Variants in CELA2A observed in about 807,000 individuals in gnomAD.
The protein encoded by CELA2A is chymotrypsin like elastase 2A, also known as chymotrypsin-like elastase family member 2A.
A neutral mutation model predicts 35.3 loss-of-function variants in CELA2A; 31 were observed. The ratio of observed to expected loss-of-function variants is 0.88; its 90% CI spans 0.66 to 1.19. The LOEUF (loss-of-function observed/expected upper bound fraction) is 1.19, where lower values mean the gene tolerates loss of function less well. Among genes scored for constraint, CELA2A ranks in the 50% most tolerant of loss-of-function variants. CELA2A has a pLI of 0.00. For missense variants in CELA2A, 330 were observed against 352.9 expected (o/e 0.94, Z 0.52); for synonymous variants, 150 against 149.8 (o/e 1.00, Z -0.01).
intron 4 of CELA2A, 124 bp downstream of exon 4, chr1:15,462,985 C>T (rs1708459795): frequency 3.6e-6 from 5 of 1,393,656 alleles, no homozygotes; most frequent in Non-Finnish European, 5.0e-6. Flanking sequence ...GGGGAAGGAG[C>T]TCTGGCCTCT....
intron 7 of CELA2A, among the ~76,000 whole-genome samples, chr1:15,468,196 G>A (rs181584502): frequency 2.0e-5 from 3 of 151,866 alleles, no homozygotes; most frequent in Non-Finnish European, 1.5e-5. Context: ...GCTATAAACA[G>A]GTATATTTAT....
chr1:15,463,560 A>T (rs1363789861), intron 5 of CELA2A, 38 bp downstream of exon 5: 1 of 1,612,620 alleles, frequency 6.2e-7, no homozygotes, highest in Non-Finnish European at 8.5e-7. Flanking sequence ...CTGGGAGGGA[A>T]GGGAGGTGAT....
chr1:15,464,003 G>A (rs1469800632), intron 5 of CELA2A, among the ~76,000 whole-genome samples: 1 of 152,142 alleles, frequency 6.6e-6, no homozygotes, highest in African/African-American at 2.4e-5. Flanking sequence ...AGTGAGCCAA[G>A]ATTTCGCTAC....
rs1213453001 is a variant in CELA2A at position 15,471,567 on chromosome 1, AT to A, written c.793-422del. ...TCTCAAAAAGAAAACAAACAAACAA[AT>A]AAAAAAAAAAACGTTTAACAGACAC... On this transcript the variant is annotated intron_variant, in intron 7 of 7. Transcript: ENST00000359621. 4.9e-4 allele frequency among the ~76,000 whole-genome samples: 75 copies of A among 152,048 alleles called. 1 individual carries two copies. The highest frequency in any genetic ancestry group is 1.8e-3 in the African/African-American group (74 of 41,482).
chr1:15,463,035 T>G, intron 4 of CELA2A, 174 bp downstream of exon 4: 1 of 1,080,774 alleles, frequency 9.3e-7, no homozygotes, highest in Non-Finnish European at 1.3e-6. Flanking sequence ...GGGGTGGGGA[T>G]GTGACCTGGG....
chr1:15,461,712 G>A, intron 3 of CELA2A, 54 bp downstream of exon 3: 1 of 1,606,050 alleles, frequency 6.2e-7, no homozygotes, highest in Non-Finnish European at 8.5e-7. Flanking sequence ...GCTCATTTCT[G>A]AGCTGGGGGC....
chr1:15,470,808 T>C (rs1708579833), intron 7 of CELA2A, among the ~76,000 whole-genome samples: 3 of 152,180 alleles, frequency 2.0e-5, no homozygotes. Context: ...CTCAAACTCC[T>C]GACCTCAGGT....
In CELA2A at chr1:15,461,414, G is replaced by C. The variant is rs189179201; in HGVS notation, c.130-147G>C. On this transcript the variant is annotated intron_variant, in intron 2 of 7. Coordinates refer to ENST00000359621, the MANE Select transcript of CELA2A (RefSeq NM_033440.3). ...ACACGTTTTTTATCTTGATGGCTGA[G>C]GTTTTGGGTGCTGCCTTAAGTTGTG... 9.1e-5 allele frequency: 66 copies of C among 728,894 alleles called. No individual in the cohort carries two copies. The East Asian group carries it at 1.7e-3, about 19-fold the overall frequency. The allele number at this position is 728,894 out of a possible 1,614,324, so 45.2% of individuals were successfully genotyped here. A position where few individuals can be genotyped will look rare whatever the true frequency, so the allele number is the denominator to read the frequency against.
chr1:15,467,526 C>A lies in CELA2A; in HGVS notation c.780C>A (p.Asp260Glu). ...TCACGCGGGTCTCCAATTACATCGACTGGATCAATTCGGTAAGAACCGGAC... is the reference window on the plus strand; with the variant it reads ...TCACGCGGGTCTCCAATTACATCGAATGGATCAATTCGGTAAGAACCGGAC... ...SVFTRVSNYI[D>E]WINSVIANN The change falls in exon 7 of 8, where the codon GAC becomes GAA. Residue 260 changes from aspartate to glutamate, a missense_variant. Transcript: ENST00000359621. The A allele has an allele frequency of 6.2e-7, 1 of 1,614,150 alleles. No homozygotes were observed. The highest frequency in any genetic ancestry group is 1.3e-5 in the African/African-American group (1 of 75,058).
At chr1:15,463,581 CCT>C (rs1213266369) in intron 5 of CELA2A, 59 bp downstream of exon 5, 2 of 1,609,626 alleles carry the variant, frequency 1.2e-6, no homozygotes, top group African/African-American at 1.3e-5. Context: ...TCACGTCACC[CCT>C]GTCTGGCCGG....
chr1:15,457,466 C>T lies in CELA2A; in HGVS notation c.129+292C>T, dbSNP rs534471709. On this transcript the variant is annotated intron_variant, in intron 2 of 7. Coordinates refer to ENST00000359621, the MANE Select transcript of CELA2A (RefSeq NM_033440.3). Reference sequence around the variant, plus strand: ...CCTCTACTAATAATACACAAGTAGCCAGGTGTGGTGGCACACGCCTGTAAT... The same window carrying T: ...CCTCTACTAATAATACACAAGTAGCTAGGTGTGGTGGCACACGCCTGTAAT... 99 of 330,182 alleles carry T rather than the reference C, an allele frequency of 3.0e-4. 1 individual carries two copies. In the South Asian group the frequency reaches 3.6e-3, roughly 12 times the overall value. The allele number at this position is 330,182 out of a possible 1,614,324, so 20.5% of individuals were successfully genotyped here.
chr1:15,468,148 T>C (rs1708547770), intron 7 of CELA2A, among the ~76,000 whole-genome samples: 1 of 151,828 alleles, frequency 6.6e-6, no homozygotes, highest in Admixed American at 6.6e-5. Context: ...ATTTTATTTT[T>C]GTTTATCTGT....
chr1:15,462,602 C>G, intron 3 of CELA2A, 131 bp from the exon 4 acceptor site: 2 of 1,096,372 alleles, frequency 1.8e-6, no homozygotes, highest in East Asian at 4.7e-5. Context: ...AACTGATTGT[C>G]CCAGGGGAGG....
intron 1 of CELA2A, 122 bp from the exon 2 acceptor site, chr1:15,456,964 T>C: frequency 7.9e-7 from 1 of 1,270,702 alleles, no homozygotes; most frequent in Non-Finnish European, 1.1e-6. Context: ...CAGGATTCTA[T>C]GACCTCTTGG....
chr1:15,467,317 GA>G, intron 6 of CELA2A, 68 bp from the exon 7 acceptor site: 1 of 1,511,202 alleles, frequency 6.6e-7, no homozygotes. Flanking sequence ...GAAATGCATT[GA>G]GAACAATGGT....
At position 15,466,184 on chromosome 1, in the gene CELA2A, G is replaced by A. The variant is rs748378048; in HGVS notation, c.639+40G>A. On this transcript the variant is annotated intron_variant, in intron 6 of 7. Coordinates refer to ENST00000359621, the MANE Select transcript of CELA2A (RefSeq NM_033440.3). Reference sequence around the variant, plus strand: ...CAGGGGCTCCGCTCCATGACAAAATGTGGCTGGGGATAAGGCTATAGAGGT... The same window carrying A: ...CAGGGGCTCCGCTCCATGACAAAATATGGCTGGGGATAAGGCTATAGAGGT... The A allele has an allele frequency of 1.2e-5, 19 of 1,608,618 alleles. No homozygotes were observed. The African/African-American group carries it at 2.1e-4, about 18-fold the overall frequency.
rs1708430115 is a variant in CELA2A at position 15,461,270 on chromosome 1, C to T, written c.130-291C>T. On this transcript the variant is annotated intron_variant, in intron 2 of 7. Coordinates refer to ENST00000359621, the MANE Select transcript of CELA2A (RefSeq NM_033440.3). ...TCAGATGGGGTTTCACCATGTTGCC[C>T]AGGCTGGTCTCAAACTCCTGGGCTC... is the stretch of plus-strand genomic sequence containing the variant. 2.6e-5 allele frequency among the ~76,000 whole-genome samples: 4 copies of T among 152,268 alleles called. No homozygotes were observed. In the South Asian group the frequency reaches 8.3e-4, roughly 32 times the overall value.
At chr1:15,462,983 A>G in intron 4 of CELA2A, 122 bp downstream of exon 4, 1 of 1,399,714 alleles carries the variant, frequency 7.1e-7, no homozygotes, top group Non-Finnish European at 9.9e-7. Flanking sequence ...AGGGGGAAGG[A>G]GCTCTGGCCT....
chr1:15,463,660 C>T, intron 5 of CELA2A, 138 bp downstream of exon 5: 2 of 1,350,148 alleles, frequency 1.5e-6, no homozygotes, highest in Non-Finnish European at 1.0e-6. Flanking sequence ...AGGCTGACGC[C>T]TGCCTGGGAT....
Sources: allele counts gnomAD v4.1 joint callset (sites outside exome capture counted in the v4.1 genomes callset), GRCh38; gene constraint gnomAD v4.1.1; transcripts MANE v1.5; gene names NCBI Gene and HGNC (gene_info 2026-07-23, HGNC 2026-07-21).